NPLOC4: variants seen among roughly 807,000 people sequenced by gnomAD.
NPLOC4 encodes NPL4 homolog, ubiquitin recognition factor, also known as nuclear protein localization protein 4 homolog.
NPLOC4 carries 18 observed loss-of-function variants against 80.6 expected under a neutral mutation model. The observed-to-expected ratio is 0.22, with a 90% CI of 0.15 to 0.33. NPLOC4 has a LOEUF of 0.33. NPLOC4 is among the 10% of genes least tolerant of loss of function. The pLI, the probability that NPLOC4 is intolerant of heterozygous loss-of-function variation, is 1.00. For synonymous variants in NPLOC4, 313 were observed against 301.5 expected, an observed-to-expected ratio of 1.04 and a Z score of -0.39; for missense variants, 540 against 786.1, an observed-to-expected ratio of 0.69 and a Z score of 3.74.
At chr17:81,610,650 T>G (rs912114539) in intron 4 of NPLOC4, among the ~76,000 whole-genome samples, 1 of 152,134 alleles carries the variant, frequency 6.6e-6, no homozygotes. Context: ...GGGTATCCAC[T>G]GCTTAAAATG....
Position 81,609,840 on chromosome 17 carries a change from AC to A in NPLOC4, c.435+369del, listed in dbSNP as rs974396012. On this transcript the variant is annotated intron_variant, in intron 5 of 16. Coordinates refer to ENST00000331134, the MANE Select transcript of NPLOC4 (RefSeq NM_017921.4). Reference sequence around the variant, plus strand: ...GTAACTCTCAGTCTCACCAGGACAAACCAGTAGAAGAGATGTGAGATTCAAG... The same window carrying A: ...GTAACTCTCAGTCTCACCAGGACAAACAGTAGAAGAGATGTGAGATTCAAG... 1.8e-3 allele frequency among the ~76,000 whole-genome samples: 278 copies of A among 152,334 alleles called. 1 individual carries two copies. Among genetic ancestry groups the A allele is most frequent in the Non-Finnish European group, 3.3e-3 (222 of 68,028 alleles).
intron 12 of NPLOC4, among the ~76,000 whole-genome samples, chr17:81,586,904 A>G (rs1160312051): frequency 1.3e-5 from 2 of 152,208 alleles, no homozygotes; most frequent in Non-Finnish European, 2.9e-5. Flanking sequence ...CTGGATGGAG[A>G]TGGACAGCTC....
At position 81,577,323 on chromosome 17, in the gene NPLOC4, C is replaced by T. The variant is rs1158365128; in HGVS notation, c.1282-5235G>A. 6.6e-6 allele frequency among the ~76,000 whole-genome samples: 1 copy of T among 152,016 alleles called. No homozygotes were observed. The highest frequency in any genetic ancestry group is 1.5e-5 in the Non-Finnish European group (1 of 68,012). On this transcript the variant is annotated intron_variant, in intron 12 of 16. Coordinates refer to ENST00000331134, the MANE Select transcript of NPLOC4 (RefSeq NM_017921.4). The surrounding 1 kb of genome is among the most constrained non-coding windows in gnomAD (Gnocchi z 4.3). ...GCACTGTCCCTTGGCACCAGGACATCACCCTCCCACCTCTCCCAGACCCTT... is the reference window on the plus strand; with the variant it reads ...GCACTGTCCCTTGGCACCAGGACATTACCCTCCCACCTCTCCCAGACCCTT...
At chr17:81,568,773 C>A (rs532234048) in intron 14 of NPLOC4, among the ~76,000 whole-genome samples, 36 of 152,178 alleles carry the variant, frequency 2.4e-4, no homozygotes, top group Non-Finnish European at 1.0e-4. Flanking sequence ...GGGAAAATTA[C>A]GAGGTCCACT....
chr17:81,579,138 G>T (rs138564347), intron 12 of NPLOC4, among the ~76,000 whole-genome samples: 1 of 152,322 alleles, frequency 6.6e-6, no homozygotes, highest in East Asian at 1.9e-4. Flanking sequence ...ACTTTGGGAG[G>T]CAAGGCAGGT....
rs34643456 is a variant in NPLOC4, at chr17:81,587,674, G to GTTT, written c.1281+1267_1281+1269dup. On this transcript the variant is annotated intron_variant, in intron 12 of 16. Coordinates refer to ENST00000331134, the MANE Select transcript of NPLOC4 (RefSeq NM_017921.4). Reference sequence around the variant, plus strand: ...GAAAAAAGAAACAAAGAAAAAAGTTGTTTTTTTTTTTTTTTTTGAGACAGA... The same window carrying GTTT: ...GAAAAAAGAAACAAAGAAAAAAGTTGTTTTTTTTTTTTTTTTTTTTGAGACAGA... Among the ~76,000 whole-genome samples the GTTT allele has an allele frequency of 6.5e-4, 61 of 93,402 alleles. 2 individuals carry two copies. Among genetic ancestry groups the GTTT allele is most frequent in the African/African-American group, 9.1e-4 (21 of 23,022 alleles). 61.3% of individuals were successfully genotyped at this position (93,402 alleles called of 152,430 possible). A position where few individuals can be genotyped will look rare whatever the true frequency, so the allele number is the denominator to read the frequency against.
intron 3 of NPLOC4, among the ~76,000 whole-genome samples, chr17:81,619,750 G>A (rs2035615103): frequency 6.7e-6 from 1 of 149,938 alleles, no homozygotes; most frequent in Non-Finnish European, 1.5e-5. Context: ...ATGGTGGTGG[G>A]CACCTGTAAT....
chr17:81,597,138 G>T (rs2034929249), intron 10 of NPLOC4, 107 bp downstream of exon 10: 1 of 757,284 alleles, frequency 1.3e-6, no homozygotes, highest in Non-Finnish European at 2.3e-6. Flanking sequence ...ATAAATAATG[G>T]GGCCTGAAAG....
chr17:81,581,311 T>C (rs1487334128), intron 12 of NPLOC4, among the ~76,000 whole-genome samples: 2 of 125,078 alleles, frequency 1.6e-5, no homozygotes, highest in African/African-American at 6.3e-5. Context: ...ATTGGGCCAC[T>C]GCATTCCAGC....
intron 12 of NPLOC4, among the ~76,000 whole-genome samples, chr17:81,575,521 C>T (rs181413163): frequency 6.6e-6 from 1 of 152,386 alleles, no homozygotes; most frequent in East Asian, 1.9e-4. Flanking sequence ...AGAGCCACTT[C>T]GTCCTCACAA....
intron 16 of NPLOC4, chr17:81,561,732 C>T (rs1283038802): frequency 1.3e-5 from 2 of 152,122 alleles, no homozygotes; most frequent in African/African-American, 2.4e-5. Flanking sequence ...TAGGCGTGGA[C>T]CACTCACCAT....
At chr17:81,596,681 A>G (rs950405531) in intron 10 of NPLOC4, among the ~76,000 whole-genome samples, 1 of 152,276 alleles carries the variant, frequency 6.6e-6, no homozygotes, top group African/African-American at 2.4e-5. Context: ...TCACGACTAG[A>G]AAGGCCAGAA....
intron 8 of NPLOC4, 32 bp downstream of exon 8, chr17:81,604,516 A>G: frequency 2.5e-6 from 4 of 1,600,520 alleles, no homozygotes; most frequent in Non-Finnish European, 3.4e-6. Context: ...CCAAACACAG[A>G]AACTCAGGAA....
At chr17:81,636,662 GAA>G (rs756378686) in intron 1 of NPLOC4, among the ~76,000 whole-genome samples, 6 of 152,198 alleles carry the variant, frequency 3.9e-5, no homozygotes, top group Admixed American at 1.3e-4. Context: ...TCCCTGCTTA[GAA>G]AGGCTCGGCC....
At chr17:81,589,249 G>C in intron 11 of NPLOC4, 145 bp from the exon 12 acceptor site, 1 of 669,008 alleles carries the variant, frequency 1.5e-6, no homozygotes, top group Non-Finnish European at 2.5e-6. Flanking sequence ...TTCAGTAGTC[G>C]GCCGGGTGCG....
intron 7 of NPLOC4, among the ~76,000 whole-genome samples, chr17:81,605,296 AT>A (rs2035175368): frequency 5.4e-5 from 8 of 148,384 alleles, no homozygotes; most frequent in Middle Eastern, 3.2e-3. Flanking sequence ...AAAAAAATAA[AT>A]AATAATAATA....
In NPLOC4 at chr17:81,567,590, G is replaced by A. The variant is rs2034046534; in HGVS notation, c.1450-57C>T. On this transcript the variant is annotated intron_variant, in intron 14 of 16. Coordinates refer to ENST00000331134, the MANE Select transcript of NPLOC4 (RefSeq NM_017921.4). This position sits in a 1 kb window ranked among gnomAD's most constrained non-coding sequence, Gnocchi z 4.5. ...ATACAGTTCCCCAGTGCCAGACCCC[G>A]AAACAGAGCTGTTTCCTACTAAGAC... 8.6e-6 allele frequency: 9 copies of A among 1,047,992 alleles called. No homozygotes were observed. Among genetic ancestry groups the A allele is most frequent in the Admixed American group, 3.9e-5 (2 of 50,824 alleles). 64.9% of individuals were successfully genotyped at this position (1,047,992 alleles called of 1,614,324 possible). A position where few individuals can be genotyped will look rare whatever the true frequency, so the allele number is the denominator to read the frequency against.
rs9903882 is a variant in NPLOC4, at chr17:81,580,420, G to A, written c.1282-8332C>T. ...TCCGAGCCCAGCAGCCAGAGTGATCGTCTCACAGCCCCGGCACAGCCATCT... is the reference window on the plus strand; with the variant it reads ...TCCGAGCCCAGCAGCCAGAGTGATCATCTCACAGCCCCGGCACAGCCATCT... On this transcript the variant is annotated intron_variant, in intron 12 of 16. Coordinates refer to ENST00000331134, the MANE Select transcript of NPLOC4 (RefSeq NM_017921.4). The surrounding 1 kb of genome is among the most constrained non-coding windows in gnomAD (Gnocchi z 4.4). Among the ~76,000 whole-genome samples the A allele has an allele frequency of 7.9e-5, 12 of 152,046 alleles. No homozygotes were observed. In the South Asian group the frequency reaches 1.7e-3, roughly 21 times the overall value.
At chr17:81,598,387 G>A (rs1431073455) in intron 9 of NPLOC4, among the ~76,000 whole-genome samples, 4 of 152,088 alleles carry the variant, frequency 2.6e-5, no homozygotes, top group East Asian at 1.9e-4. Context: ...ACCAACAGAA[G>A]GTGAGTGAAA....
Sources: gnomAD v4.1 joint callset for allele counts (sites outside exome capture counted in the v4.1 genomes callset) on GRCh38, gnomAD v4.1.1 for gene constraint, Gnocchi (gnomAD v3.1) non-coding constraint, MANE v1.5 for transcripts, NCBI Gene and HGNC (gene_info 2026-07-23, HGNC 2026-07-21) for gene names.